The following BTRC variants were observed in gnomAD, a reference collection of about 807,000 sequenced individuals.
The protein encoded by BTRC is F-box/WD repeat-containing protein 1A.
Under a neutral mutation model 85.5 loss-of-function variants are expected in BTRC, and 42 were observed. The observed-to-expected ratio is 0.49, with a 90% CI of 0.38 to 0.64. BTRC has a LOEUF of 0.64. Ranked by LOEUF, BTRC falls within the 30% of genes least tolerant of loss-of-function variation. The pLI is 0.00. For synonymous variants in BTRC, 255 were observed against 263.3 expected (o/e 0.97, Z 0.30); for missense variants, 594 against 743.5 (o/e 0.80, Z 2.34).
chr10:101,470,141 A>G (rs1368643165), intron 3 of BTRC, among the ~76,000 whole-genome samples: 1 of 152,140 alleles, frequency 6.6e-6, no homozygotes, highest in African/African-American at 2.4e-5. Flanking sequence ...AGCCATTTTT[A>G]AAAATTGCAT....
intron 4 of BTRC, among the ~76,000 whole-genome samples, chr10:101,511,233 G>A (rs1399139380): frequency 1.3e-5 from 2 of 151,934 alleles, no homozygotes; most frequent in East Asian, 3.9e-4. Flanking sequence ...CAGCCACATT[G>A]GCCTTCTGTC....
chr10:101,519,868 A>C (rs563588485), intron 4 of BTRC, among the ~76,000 whole-genome samples: 1 of 151,966 alleles, frequency 6.6e-6, no homozygotes, highest in Admixed American at 6.6e-5. Flanking sequence ...GGGGTTGTGC[A>C]CCTGTAATCC....
intron 1 of BTRC, among the ~76,000 whole-genome samples, chr10:101,370,932 A>G (rs926163211): frequency 2.0e-5 from 3 of 152,172 alleles, no homozygotes; most frequent in East Asian, 1.9e-4. Context: ...ATATGTACCT[A>G]TATACATACA....
At position 101,532,441 on chromosome 10, in the gene BTRC, T is replaced by C; in HGVS notation, c.978+9T>C. 6.2e-7 allele frequency: 1 copy of C among 1,601,126 alleles called. No homozygotes were observed. Among genetic ancestry groups the C allele is most frequent in the Non-Finnish European group, 8.5e-7 (1 of 1,174,404 alleles). On this transcript the variant is annotated intron_variant, in intron 8 of 14. Coordinates refer to ENST00000370187, the MANE Select transcript of BTRC (RefSeq NM_033637.4). ...GAGACAACACAATCAAGGTGAGGTC[T>C]ATTCAGTTGTAGAAAGGTAGCAGAG... is the stretch of plus-strand genomic sequence containing the variant.
chr10:101,405,298 C>T (rs1157170876), intron 1 of BTRC, among the ~76,000 whole-genome samples: 1 of 151,988 alleles, frequency 6.6e-6, no homozygotes, highest in Non-Finnish European at 1.5e-5. Flanking sequence ...TTTAGGATCA[C>T]AACTCCTCTG....
intron 9 of BTRC, 45 bp from the exon 10 acceptor site, chr10:101,534,616 A>G (rs972613069): frequency 6.2e-7 from 1 of 1,609,604 alleles, no homozygotes; most frequent in Non-Finnish European, 8.5e-7. Context: ...TATAGGTAAC[A>G]GATTGTAGCT....
intron 4 of BTRC, among the ~76,000 whole-genome samples, chr10:101,511,847 C>G (rs191516902): frequency 6.6e-6 from 1 of 152,218 alleles, no homozygotes; most frequent in East Asian, 1.9e-4. Flanking sequence ...GACGAAGTTT[C>G]ACTATGTTGA....
intron 1 of BTRC, among the ~76,000 whole-genome samples, chr10:101,425,621 A>T (rs1215424135): frequency 1.4e-5 from 2 of 143,738 alleles, no homozygotes; most frequent in African/African-American, 5.0e-5. Flanking sequence ...TTAGTTTAAA[A>T]CCTGCTTTTT....
chr10:101,430,317 C>T, intron 1 of BTRC, 28 bp from the exon 2 acceptor site: 1 of 1,523,936 alleles, frequency 6.6e-7, no homozygotes. Flanking sequence ...TCATACTGTC[C>T]CATCTCATAG....
At chr10:101,456,668 A>G (rs1162706936) in intron 2 of BTRC, among the ~76,000 whole-genome samples, 1 of 152,140 alleles carries the variant, frequency 6.6e-6, no homozygotes, top group African/African-American at 2.4e-5. Flanking sequence ...CTTTAGCAGT[A>G]TTTCCTTTAT....
intron 7 of BTRC, among the ~76,000 whole-genome samples, chr10:101,531,696 G>C (rs2062283656): frequency 6.6e-6 from 1 of 151,284 alleles, no homozygotes; most frequent in African/African-American, 2.4e-5. Flanking sequence ...ACTCCCTCCT[G>C]AACGACAGAG....
chr10:101,548,836 C>T (rs958800065), intron 13 of BTRC, among the ~76,000 whole-genome samples: 3 of 152,086 alleles, frequency 2.0e-5, no homozygotes, highest in African/African-American at 4.8e-5. Context: ...GGGCAGATCA[C>T]GAGGTCAGGA....
At chr10:101,452,994 AACAC>A (rs1287774007) in intron 2 of BTRC, among the ~76,000 whole-genome samples, 2 of 152,150 alleles carry the variant, frequency 1.3e-5, no homozygotes, top group Non-Finnish European at 2.9e-5. Context: ...AATTTGTTTA[AACAC>A]ACACACAGTG....
chr10:101,367,746 G>A (rs145701027), intron 1 of BTRC, among the ~76,000 whole-genome samples: 7 of 152,214 alleles, frequency 4.6e-5, no homozygotes, highest in African/African-American at 9.6e-5. Context: ...CACATTGTTC[G>A]TAAGATGATT....
At chr10:101,451,954 A>G (rs140831102) in intron 2 of BTRC, among the ~76,000 whole-genome samples, 1 of 152,308 alleles carries the variant, frequency 6.6e-6, no homozygotes, top group East Asian at 1.9e-4. Context: ...ATGTCAATCT[A>G]GCAAAATATA....
At position 101,557,034 on chromosome 10, in the gene BTRC, C is replaced by T. The variant is rs2062731508; in HGVS notation, c.*3911C>T. 1 of 152,232 alleles carries T rather than the reference C, an allele frequency of 6.6e-6. No homozygotes were observed. The highest frequency in any genetic ancestry group is 6.5e-5 in the Admixed American group (1 of 15,292). 9.4% of individuals were successfully genotyped at this position (152,232 alleles called of 1,614,324 possible). On this transcript the variant is annotated 3_prime_UTR_variant, in exon 15 of 15. Transcript: ENST00000370187. ...CAGCTTTCTCAAAGCGGTGACCACT[C>T]AGGCCAGCCCAGACAAATCTGAGGG... is the stretch of plus-strand genomic sequence containing the variant.
intron 8 of BTRC, 99 bp from the exon 9 acceptor site, chr10:101,532,853 C>G: frequency 1.0e-6 from 1 of 991,378 alleles, no homozygotes; most frequent in Non-Finnish European, 1.6e-6. Flanking sequence ...CTACTCTGGG[C>G]TTTGATTATT....
chr10:101,450,281 T>C (rs1030373295), intron 2 of BTRC, among the ~76,000 whole-genome samples: 2 of 152,168 alleles, frequency 1.3e-5, no homozygotes, highest in African/African-American at 4.8e-5. Context: ...GCCCCCTCCC[T>C]TTTTTGGTCC....
At chr10:101,412,113 T>C (rs967507425) in intron 1 of BTRC, among the ~76,000 whole-genome samples, 7 of 152,298 alleles carry the variant, frequency 4.6e-5, no homozygotes, top group African/African-American at 1.7e-4. Context: ...GAGCTTATAG[T>C]TCTGTTGTAG....
Sources: gnomAD v4.1 joint callset for allele counts (sites outside exome capture counted in the v4.1 genomes callset) on GRCh38, gnomAD v4.1.1 for gene constraint, MANE v1.5 for transcripts, NCBI Gene and HGNC (gene_info 2026-07-23, HGNC 2026-07-21) for gene names.